The following ATAD2 variants were observed in gnomAD, a reference collection of about 807,000 sequenced individuals.
ATAD2 encodes ATPase family AAA domain-containing protein 2.
ATAD2 carries 62 observed loss-of-function variants against 168.9 expected under a neutral mutation model. That is an observed-to-expected ratio of 0.37 (90% CI 0.30 to 0.45). The LOEUF (loss-of-function observed/expected upper bound fraction) is 0.45, where lower values mean the gene tolerates loss of function less well. Ranked by LOEUF, ATAD2 falls within the 20% of genes least tolerant of loss-of-function variation. The pLI is 1.00. For missense variants in ATAD2, 1,419 were observed against 1,667.8 expected, an observed-to-expected ratio of 0.85 and a Z score of 2.60; for synonymous variants, 613 against 571.6, an observed-to-expected ratio of 1.07 and a Z score of -1.03.
At chr8:123,332,820 C>T (rs148868489) in intron 24 of ATAD2, among the ~76,000 whole-genome samples, 11 of 141,188 alleles carry the variant, frequency 7.8e-5, no homozygotes, top group Admixed American at 3.1e-4. Context: ...ATCTATCAAA[C>T]GATTGTTTTA....
chr8:123,370,061 C>T (rs1355628040), intron 6 of ATAD2, 37 bp from the exon 7 acceptor site: 3 of 1,569,114 alleles, frequency 1.9e-6, no homozygotes, highest in Non-Finnish European at 2.6e-6. Flanking sequence ...GAAAGATACT[C>T]AGCAAAATGT....
upstream of ATAD2, among the ~76,000 whole-genome samples, chr8:123,399,711 G>A (rs1320445621): frequency 4.6e-5 from 7 of 151,786 alleles, no homozygotes; most frequent in East Asian, 3.9e-4. Flanking sequence ...AAAATTAGCT[G>A]GGCATGGTGG....
rs773472317 is a variant in ATAD2, at chr8:123,348,166, C to T, written c.1897+17G>A. The stretch of plus-strand genomic sequence containing the variant: ...ATAAATGTAGTATTTATTTTAACTG[C>T]TTAAAACAATGTTTACCAACACAGT... On this transcript the variant is annotated intron_variant, in intron 15 of 27. Coordinates refer to ENST00000287394, the MANE Select transcript of ATAD2 (RefSeq NM_014109.4). The T allele has an allele frequency of 1.2e-5, 18 of 1,541,050 alleles. No homozygotes were observed. The Admixed American group carries it at 3.5e-4, about 30-fold the overall frequency.
At chr8:123,348,823 CAAAT>C (rs1828342828) in intron 14 of ATAD2, among the ~76,000 whole-genome samples, 1 of 152,070 alleles carries the variant, frequency 6.6e-6, no homozygotes, top group South Asian at 2.1e-4. Context: ...GTCATAAACA[CAAAT>C]AAGAGAAAAG....
At chr8:123,398,494 G>T (rs770909569), upstream of ATAD2, among the ~76,000 whole-genome samples, 39 of 151,848 alleles carry the variant, frequency 2.6e-4, no homozygotes, top group Non-Finnish European at 3.5e-4. Context: ...GCCTCCCAAA[G>T]TTCTAGGATT....
intron 13 of ATAD2, 190 bp downstream of exon 13, chr8:123,356,199 G>A: frequency 3.2e-6 from 1 of 315,818 alleles, no homozygotes; most frequent in Non-Finnish European, 5.8e-6. Context: ...CAAAGTGCCA[G>A]GAATACAGGT....
At position 123,325,927 on chromosome 8, in the gene ATAD2, G is replaced by A. The variant is rs765386749; in HGVS notation, c.3968C>T (p.Thr1323Ile). 2.5e-6 allele frequency: 4 copies of A among 1,614,044 alleles called. No homozygotes were observed. In the East Asian group the frequency reaches 6.7e-5, roughly 27 times the overall value. The change falls in exon 26 of 28, where the codon ACA (threonine) becomes ATA (isoleucine). Residue 1323 changes from threonine (T) to isoleucine (I), a missense_variant. Physicochemically the swap from Thr to Ile is moderately conservative, Grantham distance 89. Around this residue, in one of 5 missense-constraint regions of ATAD2, gnomAD observed 303 missense variants for 304.3 expected, o/e 1.00. Transcript: ENST00000287394. ...EKALAILSQP[T>I]PSLVVDHERL... is the part of the protein sequence containing the mutation. ...CTCATGATCCACAACAAGTGAGGGT[G>A]TAGGCTGAGAAAGAATTGCCAAAGC... is the stretch of plus-strand genomic sequence containing the variant.
chr8:123,383,410 A>G (rs1173643087), intron 1 of ATAD2, among the ~76,000 whole-genome samples: 2 of 152,216 alleles, frequency 1.3e-5, no homozygotes, highest in Admixed American at 6.5e-5. Flanking sequence ...GAATTTCACT[A>G]TTGCAGACAC....
Position 123,396,305 on chromosome 8 carries a change from G to A in ATAD2, c.53C>T (p.Ala18Val). ...LELHNHSAAS[A>V]TGSLDLSSDF... ...ACTGGACAGGTCCAAGGAGCCCGTG[G>A]CCGAGGCCGCGGAGTGGTTGTGCAG... Residue 18 changes from alanine to valine, a missense_variant, in exon 1 of 28, where the codon GCC becomes GTC. Coordinates refer to ENST00000287394, the MANE Select transcript of ATAD2 (RefSeq NM_014109.4). 3.1e-6 allele frequency: 5 copies of A among 1,610,386 alleles called. No individual in the cohort carries two copies. Among genetic ancestry groups the A allele is most frequent in the South Asian group, 1.1e-5 (1 of 91,036 alleles).
chr8:123,370,668 G>A (rs560752959), intron 6 of ATAD2, among the ~76,000 whole-genome samples: 38 of 152,188 alleles, frequency 2.5e-4, no homozygotes, highest in Non-Finnish European at 5.3e-4. Context: ...CATAGTGGAT[G>A]TATTACATAA....
chr8:123,389,153 T>C (rs1249459804), intron 1 of ATAD2, among the ~76,000 whole-genome samples: 1 of 142,408 alleles, frequency 7.0e-6, no homozygotes, highest in Non-Finnish European at 1.5e-5. Flanking sequence ...TTTTTTTGTA[T>C]TTTTAGTAGA....
At chr8:123,368,681 T>C (rs1202203149) in intron 8 of ATAD2, among the ~76,000 whole-genome samples, 4 of 152,176 alleles carry the variant, frequency 2.6e-5, no homozygotes, top group Admixed American at 2.6e-4. Flanking sequence ...GCATCTGTGA[T>C]AGTATGCAAA....
At chr8:123,339,197 A>T in intron 20 of ATAD2, 114 bp downstream of exon 20, 3 of 952,190 alleles carry the variant, frequency 3.2e-6, no homozygotes, top group Non-Finnish European at 4.6e-6. Context: ...CAGATGCATC[A>T]ACCTCATGAC....
chr8:123,384,768 C>G (rs933724731), intron 1 of ATAD2, among the ~76,000 whole-genome samples: 1 of 152,200 alleles, frequency 6.6e-6, no homozygotes, highest in South Asian at 2.1e-4. Context: ...AAAATTGGAA[C>G]GATACAAAGA....
At chr8:123,348,025 CT>C (rs1468881279) in intron 15 of ATAD2, 157 bp downstream of exon 15, 2 of 686,966 alleles carry the variant, frequency 2.9e-6, no homozygotes, top group Non-Finnish European at 5.1e-6. Context: ...CAAATATAAC[CT>C]TGTATTTCTT....
In ATAD2 at chr8:123,355,165, C is replaced by T. The variant is rs189811322; in HGVS notation, c.1646+1224G>A. Among the ~76,000 whole-genome samples the T allele has an allele frequency of 2.0e-5, 3 of 152,020 alleles. No homozygotes were observed. The East Asian group carries it at 5.8e-4, about 29-fold the overall frequency. ...TACTTAACATATATTTTAATTTACTCACAGCAATAAGCAAAATTGTTTATC... is the reference window on the plus strand; with the variant it reads ...TACTTAACATATATTTTAATTTACTTACAGCAATAAGCAAAATTGTTTATC... On this transcript the variant is annotated intron_variant, in intron 13 of 27. Transcript: ENST00000287394.
chr8:123,401,720 A>T, intron 1 of ATAD2: 1 of 748,486 alleles, frequency 1.3e-6, no homozygotes, highest in East Asian at 2.5e-5. Flanking sequence ...CTCCATAGTG[A>T]TGATGGGCTC....
upstream of ATAD2, chr8:123,400,913 G>A: frequency 2.1e-6 from 3 of 1,405,226 alleles, no homozygotes; most frequent in Non-Finnish European, 3.0e-6. The surrounding 1 kb of genome is among the most constrained non-coding windows in gnomAD (Gnocchi z 4.5). Context: ...TTTGAACATG[G>A]CTTCATCACG....
At chr8:123,365,363 T>C (rs1446765115) in intron 8 of ATAD2, among the ~76,000 whole-genome samples, 1 of 152,090 alleles carries the variant, frequency 6.6e-6, no homozygotes, top group East Asian at 1.9e-4. Flanking sequence ...CCAAAAGCAA[T>C]CTACAAATTC....
Sources: allele counts gnomAD v4.1 joint callset (sites outside exome capture counted in the v4.1 genomes callset), GRCh38; gene constraint gnomAD v4.1.1; regional missense constraint gnomAD v4.1.1; non-coding constraint Gnocchi (gnomAD v3.1); transcripts MANE v1.5; gene names NCBI Gene and HGNC (gene_info 2026-07-23, HGNC 2026-07-21).